Variants in MTHFS observed in about 807,000 individuals in gnomAD.
The protein encoded by MTHFS is methenyltetrahydrofolate synthetase, also known as 5-formyltetrahydrofolate cyclo-ligase.
Under a neutral mutation model 12.7 loss-of-function variants are expected in MTHFS, and 7 were observed. The ratio of observed to expected loss-of-function variants is 0.55; its 90% confidence interval spans 0.31 to 1.03. The LOEUF (loss-of-function observed/expected upper bound fraction) is 1.03. Ranked by LOEUF, MTHFS falls within the 50% of genes least tolerant of loss-of-function variation. The pLI, the probability that MTHFS is intolerant of heterozygous loss-of-function variation, is 0.05. For synonymous variants in MTHFS, 100 were observed against 97.1 expected, an observed-to-expected ratio of 1.03 and a Z score of -0.18; for missense variants, 252 against 258.1, an observed-to-expected ratio of 0.98 and a Z score of 0.16.
At chr15:79,883,629 T>C (rs1366357807) in intron 2 of MTHFS, among the ~76,000 whole-genome samples, 1 of 152,238 alleles carries the variant, frequency 6.6e-6, no homozygotes, top group Non-Finnish European at 1.5e-5. Context: ...TGCTTACTGT[T>C]AATAACTGCC....
At chr15:79,893,051 G>C (rs2034501623) in intron 1 of MTHFS, among the ~76,000 whole-genome samples, 1 of 152,066 alleles carries the variant, frequency 6.6e-6, no homozygotes, top group Non-Finnish European at 1.5e-5. Context: ...TCTCAAGTTT[G>C]GAAATCGGTC....
chr15:79,886,032 A>G (rs2034377179), intron 2 of MTHFS, among the ~76,000 whole-genome samples: 1 of 152,274 alleles, frequency 6.6e-6, no homozygotes, highest in South Asian at 2.1e-4. Flanking sequence ...AACTTGGGAA[A>G]GAATCCGACC....
intron 2 of MTHFS, among the ~76,000 whole-genome samples, chr15:79,875,123 A>C (rs2034169160): frequency 6.6e-6 from 1 of 152,140 alleles, no homozygotes; most frequent in Non-Finnish European, 1.5e-5. Flanking sequence ...TTATGTTCAG[A>C]GACTGCAGTA....
intron 2 of MTHFS, among the ~76,000 whole-genome samples, chr15:79,880,805 A>C (rs1596077751): frequency 9.2e-6 from 1 of 108,680 alleles, no homozygotes; most frequent in East Asian, 4.1e-4. Flanking sequence ...AAAAAAAAAC[A>C]AACAAAAAAC....
Position 79,889,086 on chromosome 15 carries a change from T to C in MTHFS, c.379+7A>G. 6.2e-7 allele frequency: 1 copy of C among 1,614,036 alleles called. No homozygotes were observed. ...ATCTAACAACATCCTAACACCATAA[T>C]ACTCACCTGTGGACAAGGCCTCCTC... On this transcript the variant is annotated splice_region_variant and intron_variant, in intron 2 of 2. Transcript: ENST00000258874.
intron 2 of MTHFS, among the ~76,000 whole-genome samples, chr15:79,853,578 G>A (rs1011850538): frequency 2.6e-5 from 4 of 152,170 alleles, no homozygotes; most frequent in Non-Finnish European, 5.9e-5. Context: ...TCCTCCTTCT[G>A]TTGACTCTGA....
At position 79,896,967 on chromosome 15, in the gene MTHFS, T is replaced by C. The variant is rs1030708924; in HGVS notation, c.22A>G (p.Ser8Gly). The C allele has an allele frequency of 2.6e-6, 4 of 1,532,186 alleles. No homozygotes were observed. Among genetic ancestry groups the C allele is most frequent in the Non-Finnish European group, 3.5e-6 (4 of 1,144,592 alleles). 94.9% of individuals were successfully genotyped at this position (1,532,186 alleles called of 1,614,324 possible). Residue 8 changes from serine (S) to glycine (G), a missense_variant, in exon 1 of 3, where the codon AGC (serine) becomes GGC (glycine). Physicochemically the swap from Ser to Gly is moderately conservative, Grantham distance 56. Transcript: ENST00000258874. ...TCTCCCCGCAGGCTCCGCTTGGCGC[T>C]GCTCACCGCTGCCGCCGCCATCTCA... MAAAAVS[S>G]AKRSLRGELK...
At chr15:79,880,191 T>A (rs988458709) in intron 2 of MTHFS, among the ~76,000 whole-genome samples, 3 of 152,176 alleles carry the variant, frequency 2.0e-5, no homozygotes, top group Non-Finnish European at 4.4e-5. Flanking sequence ...TGCCTCAGCC[T>A]CCTGAGTAGC....
chr15:79,888,972 G>C, intron 2 of MTHFS, 121 bp downstream of exon 2: 1 of 1,437,652 alleles, frequency 7.0e-7, no homozygotes, highest in Non-Finnish European at 9.2e-7. Flanking sequence ...TTGGAACGTA[G>C]GCAAAATACA....
intron 2 of MTHFS, among the ~76,000 whole-genome samples, chr15:79,850,271 T>C (rs1400087461): frequency 6.6e-6 from 1 of 152,248 alleles, no homozygotes; most frequent in African/African-American, 2.4e-5. Context: ...CCAGAGCTTT[T>C]ACAATCTTAC....
chr15:79,868,311 G>A lies in MTHFS; in HGVS notation c.379+20782C>T, dbSNP rs111230422. 3.4e-4 allele frequency among the ~76,000 whole-genome samples: 52 copies of A among 152,270 alleles called. 1 individual carries two copies. The highest frequency in any genetic ancestry group is 1.3e-3 in the African/African-American group (52 of 41,548). On this transcript the variant is annotated intron_variant, in intron 2 of 2. Transcript: ENST00000258874. ...TCTGCAACTTCGAATATAATTTCATGATGTTGAGAATGAGTCATTATTGAA... is the reference window on the plus strand; with the variant it reads ...TCTGCAACTTCGAATATAATTTCATAATGTTGAGAATGAGTCATTATTGAA...
upstream of MTHFS, chr15:79,897,191 G>A (rs2865825): frequency 0.21 from 100,899 of 478,298 alleles, 11,750 homozygotes; most frequent in East Asian, 0.32. Context: ...CCCAGCCCTC[G>A]TGCGGTCCCC....
intron 2 of MTHFS, among the ~76,000 whole-genome samples, chr15:79,888,357 C>T (rs769190557): frequency 6.6e-6 from 1 of 152,104 alleles, no homozygotes; most frequent in Non-Finnish European, 1.5e-5. Flanking sequence ...TTACTTCAAT[C>T]TAAGGGCAAT....
At position 79,868,196 on chromosome 15, in the gene MTHFS, G is replaced by T. The variant is rs146986862; in HGVS notation, c.379+20897C>A. Reference sequence around the variant, plus strand: ...ATTTCCAATGAATAAAGCAGATTAGGGAGAAGCACAAAATATGTAATAGCT... The same window carrying T: ...ATTTCCAATGAATAAAGCAGATTAGTGAGAAGCACAAAATATGTAATAGCT... On this transcript the variant is annotated intron_variant, in intron 2 of 2. Coordinates refer to ENST00000258874, the MANE Select transcript of MTHFS (RefSeq NM_006441.4). 2.6e-5 allele frequency among the ~76,000 whole-genome samples: 4 copies of T among 152,198 alleles called. No homozygotes were observed. In the South Asian group the frequency reaches 8.3e-4, roughly 32 times the overall value.
At chr15:79,857,651 G>C (rs2033834561) in intron 2 of MTHFS, among the ~76,000 whole-genome samples, 1 of 152,146 alleles carries the variant, frequency 6.6e-6, no homozygotes, top group South Asian at 2.1e-4. Context: ...TTAGTTCCAA[G>C]TGCCTTTTCA....
intron 2 of MTHFS, among the ~76,000 whole-genome samples, chr15:79,866,679 G>A (rs1003606680): frequency 2.0e-5 from 3 of 152,268 alleles, no homozygotes; most frequent in South Asian, 4.1e-4. Context: ...GGCCAGGCAC[G>A]GTGGCTCACA....
At chr15:79,866,260 C>T (rs538115324) in intron 2 of MTHFS, among the ~76,000 whole-genome samples, 7 of 152,204 alleles carry the variant, frequency 4.6e-5, no homozygotes, top group African/African-American at 1.7e-4. Flanking sequence ...CAACGGTTTC[C>T]TTCTTTCCTA....
chr15:79,871,506 T>C (rs1212720983), intron 2 of MTHFS, among the ~76,000 whole-genome samples: 4 of 151,552 alleles, frequency 2.6e-5, no homozygotes, highest in African/African-American at 7.3e-5. Context: ...CCACAGAAAA[T>C]TGATGAGGGG....
At chr15:79,855,761 C>T (rs986893212) in intron 2 of MTHFS, among the ~76,000 whole-genome samples, 5 of 152,250 alleles carry the variant, frequency 3.3e-5, no homozygotes, top group East Asian at 1.9e-4. Context: ...AGTGAGAACA[C>T]GCAGTATTTG....
Sources: allele counts gnomAD v4.1 joint callset (sites outside exome capture counted in the v4.1 genomes callset), GRCh38; gene constraint gnomAD v4.1.1; transcripts MANE v1.5; gene names NCBI Gene and HGNC (gene_info 2026-07-23, HGNC 2026-07-21).